Variants in CTNNA3 observed in about 807,000 individuals in gnomAD.
CTNNA3 encodes catenin alpha 3, also known as catenin alpha-3.
CTNNA3 carries 76 observed loss-of-function variants against 95.7 expected under a neutral mutation model. The ratio of observed to expected loss-of-function variants is 0.79; its 90% CI spans 0.66 to 0.96. The LOEUF is 0.96. Ranked by LOEUF, CTNNA3 falls within the 40% of genes least tolerant of loss-of-function variation. The pLI, the probability that CTNNA3 is intolerant of heterozygous loss-of-function variation, is 0.00. For missense variants in CTNNA3, 1,191 were observed against 1,089.8 expected (o/e 1.09, Z -1.31); for synonymous variants, 431 against 374.4 (o/e 1.15, Z -1.74).
At chr10:67,561,812 C>T (rs913893443) in intron 3 of CTNNA3, among the ~76,000 whole-genome samples, 4 of 152,002 alleles carry the variant, frequency 2.6e-5, no homozygotes, top group Non-Finnish European at 2.9e-5. Flanking sequence ...GGGATATCAC[C>T]GCCAATGCCA....
intron 5 of CTNNA3, among the ~76,000 whole-genome samples, chr10:67,471,463 A>C (rs955475508): frequency 2.0e-5 from 3 of 152,212 alleles, no homozygotes; most frequent in Non-Finnish European, 4.4e-5. Flanking sequence ...GTGGTGCTAG[A>C]CTATCGTCTA....
chr10:66,519,063 T>G (rs1840962932), intron 11 of CTNNA3, among the ~76,000 whole-genome samples: 1 of 152,068 alleles, frequency 6.6e-6, no homozygotes, highest in African/African-American at 2.4e-5. Context: ...AATTTGCATT[T>G]TATAAGAAAG....
At chr10:66,249,025 A>C (rs2090445161) in intron 13 of CTNNA3, among the ~76,000 whole-genome samples, 2 of 152,196 alleles carry the variant, frequency 1.3e-5, no homozygotes, top group African/African-American at 4.8e-5. Flanking sequence ...ATTTTCAAGA[A>C]AGTTGCCAAG....
intron 5 of CTNNA3, among the ~76,000 whole-genome samples, chr10:67,261,186 C>A (rs566577925): frequency 2.6e-5 from 4 of 152,008 alleles, no homozygotes; most frequent in African/African-American, 9.7e-5. Flanking sequence ...TTTATGCATA[C>A]AAACACAGTT....
intron 7 of CTNNA3, chr10:67,054,627 T>C (rs1475753060): frequency 6.6e-6 from 1 of 152,178 alleles, no homozygotes; most frequent in Non-Finnish European, 1.5e-5. Flanking sequence ...TTCAATATGA[T>C]GCAGTATTTC....
At chr10:66,137,611 C>T (rs1226697010) in intron 13 of CTNNA3, among the ~76,000 whole-genome samples, 2 of 152,046 alleles carry the variant, frequency 1.3e-5, no homozygotes, top group Admixed American at 6.6e-5. Context: ...TGAGGTTATA[C>T]TGGAGAATGC....
intron 7 of CTNNA3, among the ~76,000 whole-genome samples, chr10:67,119,882 T>C (rs1329684041): frequency 6.6e-6 from 1 of 151,934 alleles, no homozygotes; most frequent in East Asian, 1.9e-4. Flanking sequence ...ACTGCAAGTA[T>C]TTCCTGCCTT....
At chr10:66,989,364 T>C (rs1850914225) in intron 7 of CTNNA3, among the ~76,000 whole-genome samples, 1 of 152,178 alleles carries the variant, frequency 6.6e-6, no homozygotes, top group Admixed American at 6.5e-5. Flanking sequence ...CAGAGGAAAA[T>C]TTATTGAAAA....
chr10:65,986,791 A>G (rs2133319836), intron 16 of CTNNA3, among the ~76,000 whole-genome samples: 1 of 151,880 alleles, frequency 6.6e-6, no homozygotes, highest in South Asian at 2.1e-4. Flanking sequence ...GAAACATCAC[A>G]CGACCTGGCT....
chr10:67,204,833 T>TTTGG (rs1863819200), intron 6 of CTNNA3, among the ~76,000 whole-genome samples: 1 of 152,106 alleles, frequency 6.6e-6, no homozygotes, highest in African/African-American at 2.4e-5. Context: ...TCAAGGATAG[T>TTTGG]TTGGTGGGAC....
chr10:67,521,980 G>A lies in CTNNA3; in HGVS notation c.460-19C>T, dbSNP rs1222601068. ...TTTGAAACTGAAATTGAAAACAAAA[G>A]TAGATCATTAGGATAGCAGCAGATT... is the stretch of plus-strand genomic sequence containing the variant. On this transcript the variant is annotated intron_variant, in intron 4 of 17. Transcript: ENST00000433211. 1 of 1,604,730 alleles carries A rather than the reference G, an allele frequency of 6.2e-7. No homozygotes were observed. Among genetic ancestry groups the A allele is most frequent in the Non-Finnish European group, 8.5e-7 (1 of 1,174,490 alleles).
At chr10:66,401,110 C>G (rs545572703) in intron 11 of CTNNA3, among the ~76,000 whole-genome samples, 1 of 152,108 alleles carries the variant, frequency 6.6e-6, no homozygotes. Flanking sequence ...GTTGTTTTGG[C>G]TTTGCTGCTT....
chr10:66,593,605 A>G (rs549019561), intron 10 of CTNNA3, among the ~76,000 whole-genome samples: 1 of 152,224 alleles, frequency 6.6e-6, no homozygotes, highest in South Asian at 2.1e-4. Flanking sequence ...CCTTATTTAG[A>G]AATTTAATTA....
At chr10:67,076,988 G>A (rs966346207) in intron 7 of CTNNA3, among the ~76,000 whole-genome samples, 10 of 152,198 alleles carry the variant, frequency 6.6e-5, no homozygotes, top group African/African-American at 1.9e-4. Flanking sequence ...AAAGCAACTT[G>A]CATTGTCTCT....
At chr10:66,545,363 G>A (rs1178653207) in intron 10 of CTNNA3, among the ~76,000 whole-genome samples, 1 of 151,956 alleles carries the variant, frequency 6.6e-6, no homozygotes, top group African/African-American at 2.4e-5. Context: ...CTACACTTGT[G>A]AGATTCATCC....
At chr10:66,616,947 A>T (rs1564570596) in intron 10 of CTNNA3, among the ~76,000 whole-genome samples, 2 of 152,016 alleles carry the variant, frequency 1.3e-5, no homozygotes, top group Non-Finnish European at 2.9e-5. Flanking sequence ...AGCTGTTGCC[A>T]AAATCATCCC....
chr10:66,156,136 G>A (rs1281737092), intron 13 of CTNNA3, among the ~76,000 whole-genome samples: 1 of 151,856 alleles, frequency 6.6e-6, no homozygotes, highest in African/African-American at 2.4e-5. Context: ...GACTGGTCAG[G>A]CATCTTGGGA....
At chr10:67,675,999 C>A (rs945005439) in intron 1 of CTNNA3, among the ~76,000 whole-genome samples, 1 of 151,806 alleles carries the variant, frequency 6.6e-6, no homozygotes, top group Admixed American at 6.6e-5. Flanking sequence ...GGATCAATAA[C>A]CAATATATTT....
At chr10:67,117,710 A>G (rs768481037) in intron 7 of CTNNA3, among the ~76,000 whole-genome samples, 12 of 152,050 alleles carry the variant, frequency 7.9e-5, no homozygotes, top group Non-Finnish European at 1.8e-4. Flanking sequence ...ATACAAGGTA[A>G]AGTTTTATTA....
Sources: gnomAD v4.1 joint callset for allele counts (sites outside exome capture counted in the v4.1 genomes callset) on GRCh38, gnomAD v4.1.1 for gene constraint, MANE v1.5 for transcripts, NCBI Gene and HGNC (gene_info 2026-07-23, HGNC 2026-07-21) for gene names.